The following WWP1 variants were observed in gnomAD, a reference collection of about 807,000 sequenced individuals.
WWP1 encodes the protein WW domain containing E3 ubiquitin protein ligase 1.
A neutral mutation model predicts 130.6 loss-of-function variants in WWP1; 49 were observed. That is an observed-to-expected ratio of 0.38 (90% CI 0.30 to 0.48). The LOEUF is 0.48. WWP1 is among the 20% of genes least tolerant of loss of function. WWP1 has a pLI of 0.99. For synonymous variants in WWP1, 332 were observed against 367.8 expected, an observed-to-expected ratio of 0.90 and a Z score of 1.11; for missense variants, 809 against 1,100.6, an observed-to-expected ratio of 0.74 and a Z score of 3.75.
intron 1 of WWP1, among the ~76,000 whole-genome samples, chr8:86,353,507 T>A (rs999846246): frequency 1.3e-5 from 2 of 152,120 alleles, no homozygotes; most frequent in African/African-American, 4.8e-5. Flanking sequence ...TTTTTTCTTC[T>A]TCTGAGACGG....
At chr8:86,456,184 A>G (rs550093156) in intron 21 of WWP1, among the ~76,000 whole-genome samples, 25 of 152,118 alleles carry the variant, frequency 1.6e-4, no homozygotes, top group African/African-American at 6.0e-4. Flanking sequence ...TGAAAGTGAA[A>G]AACATAAGAG....
intron 8 of WWP1, among the ~76,000 whole-genome samples, chr8:86,402,910 C>T (rs1808074674): frequency 6.6e-6 from 1 of 152,180 alleles, no homozygotes; most frequent in Admixed American, 6.5e-5. Flanking sequence ...TTATTCTTGG[C>T]ATCTAACTTG....
In WWP1 at chr8:86,380,325, G is replaced by A. The variant is rs183230058; in HGVS notation, c.71-401G>A. On this transcript the variant is annotated intron_variant, in intron 3 of 24. Transcript: ENST00000517970. Reference sequence around the variant, plus strand: ...GCAAATTTAAAGAGACAGAGAGTAGGTTAGTGGCTGCCTAGGGATGGGGGT... The same window carrying A: ...GCAAATTTAAAGAGACAGAGAGTAGATTAGTGGCTGCCTAGGGATGGGGGT... Among the ~76,000 whole-genome samples, 295 of 152,160 alleles carry A rather than the reference G, an allele frequency of 1.9e-3. 5 individuals are homozygous for A. The East Asian group carries it at 0.034, about 18-fold the overall frequency.
At chr8:86,427,120 ACCATTGCACTTCAGC>A (rs1427633916) in intron 10 of WWP1, among the ~76,000 whole-genome samples, 2 of 151,716 alleles carry the variant, frequency 1.3e-5, no homozygotes, top group Non-Finnish European at 2.9e-5. Context: ...CCAAGATCAC[ACCATTGCACTTCAGC>A]CTGGGTGACA....
intron 5 of WWP1, among the ~76,000 whole-genome samples, chr8:86,392,617 T>C (rs1335344515): frequency 6.6e-6 from 1 of 152,214 alleles, no homozygotes; most frequent in African/African-American, 2.4e-5. Flanking sequence ...CAGAGAAATG[T>C]ATCATTTGTG....
chr8:86,404,797 A>G (rs1256447664), intron 8 of WWP1, among the ~76,000 whole-genome samples: 1 of 152,342 alleles, frequency 6.6e-6, no homozygotes, highest in Non-Finnish European at 1.5e-5. Context: ...ACAGCTAGGA[A>G]GTAGAAGAAC....
chr8:86,427,270 T>A (rs187635064), intron 10 of WWP1, among the ~76,000 whole-genome samples: 1 of 152,184 alleles, frequency 6.6e-6, no homozygotes, highest in East Asian at 1.9e-4. Flanking sequence ...GCTAATGCTT[T>A]CCCTCCCCGT....
In WWP1 at chr8:86,380,707, T is replaced by C. The variant is rs1487257645; in HGVS notation, c.71-19T>C. 4 of 1,599,872 alleles carry C rather than the reference T, an allele frequency of 2.5e-6. No individual in the cohort carries two copies. The highest frequency in any genetic ancestry group is 4.5e-5 in the East Asian group (2 of 44,356). On this transcript the variant is annotated intron_variant, in intron 3 of 24. Coordinates refer to ENST00000517970, the MANE Select transcript of WWP1 (RefSeq NM_007013.4). ...CTTTTTGGCAACACATACTCACTAG[T>C]GAATTATTTGTCTGTTAGTTTCTAG...
Position 86,458,018 on chromosome 8 carries a change from T to C in WWP1, c.2492T>C (p.Phe831Ser). The C allele has an allele frequency of 6.2e-7, 1 of 1,611,290 alleles. No homozygotes were observed. The highest frequency in any genetic ancestry group is 8.5e-7 in the Non-Finnish European group (1 of 1,177,932). Reference protein sequence around the residue: ...YTRNSKQIIWFWQFVKETDNE... With the variant: ...YTRNSKQIIWSWQFVKETDNE... ...AGAAACAGCAAGCAAATCATTTGGT[T>C]TTGGCAGGTATTTGCTTTTATCTTT... The change falls in exon 22 of 25, where the codon TTT (phenylalanine) becomes TCT (serine). Residue 831 changes from phenylalanine (F) to serine (S), a missense_variant. Around this residue, in one of 3 missense-constraint regions of WWP1, gnomAD observed 450 missense variants for 674.2 expected, o/e 0.67. Transcript: ENST00000517970.
chr8:86,343,597 A>C lies in WWP1; in HGVS notation c.-115+667A>C, dbSNP rs528322337. On this transcript the variant is annotated intron_variant, in intron 1 of 24. Transcript: ENST00000517970. ...TTGTAGTTTGCTCCTTACCTTTACG[A>C]CCTTTAAATGATCAGTCTTGTTCAC... 7.8e-4 allele frequency among the ~76,000 whole-genome samples: 118 copies of C among 152,106 alleles called. 1 individual carries two copies. The highest frequency in any genetic ancestry group is 2.8e-3 in the African/African-American group (116 of 41,454).
In WWP1 at chr8:86,461,855, A is replaced by C; in HGVS notation, c.2669+9A>C. 1 of 1,604,794 alleles carries C rather than the reference A, an allele frequency of 6.2e-7. No homozygotes were observed. The highest frequency in any genetic ancestry group is 2.2e-5 in the East Asian group (1 of 44,784). On this transcript the variant is annotated intron_variant, in intron 24 of 24. Transcript: ENST00000517970. ...CCAAGAAGCCATACATGGTAAGTTC[A>C]AGAATCCTAAATACGAAGGTGAAAG...
At chr8:86,412,797 T>G (rs953400244) in intron 9 of WWP1, among the ~76,000 whole-genome samples, 1 of 151,992 alleles carries the variant, frequency 6.6e-6, no homozygotes, top group African/African-American at 2.4e-5. Context: ...TTGGTCTTCC[T>G]TTGTGTGCTT....
intron 8 of WWP1, among the ~76,000 whole-genome samples, chr8:86,409,035 A>T (rs181296016): frequency 6.6e-6 from 1 of 152,084 alleles, no homozygotes; most frequent in East Asian, 1.9e-4. Context: ...TTTTAAAAAA[A>T]TTTTCTTGTG....
At chr8:86,350,679 C>G (rs1375323486) in intron 1 of WWP1, among the ~76,000 whole-genome samples, 4 of 152,164 alleles carry the variant, frequency 2.6e-5, no homozygotes, top group Admixed American at 2.6e-4. Flanking sequence ...AAAAAATATC[C>G]TAGCATTAAC....
chr8:86,461,702 A>G (rs1811775198), intron 23 of WWP1, 72 bp from the exon 24 acceptor site: 6 of 1,162,250 alleles, frequency 5.2e-6, no homozygotes, highest in East Asian at 2.3e-5. Flanking sequence ...AACATGTTCT[A>G]TTATTTAAGC....
At chr8:86,429,345 A>G (rs1019668384) in intron 11 of WWP1, among the ~76,000 whole-genome samples, 3 of 152,122 alleles carry the variant, frequency 2.0e-5, no homozygotes, top group African/African-American at 7.2e-5. Flanking sequence ...CCACGTTTCT[A>G]CCTCCAACAA....
chr8:86,379,881 G>A (rs1264025625), intron 3 of WWP1, among the ~76,000 whole-genome samples: 9 of 152,078 alleles, frequency 5.9e-5, no homozygotes, highest in Admixed American at 5.9e-4. Flanking sequence ...TGCAGTTGTT[G>A]GTGAGAATGT....
chr8:86,408,088 A>G (rs1357599729), intron 8 of WWP1, among the ~76,000 whole-genome samples: 1 of 152,132 alleles, frequency 6.6e-6, no homozygotes, highest in East Asian at 1.9e-4. Context: ...GCTGTTTTTA[A>G]ATACTGGCTC....
chr8:86,366,984 G>C (rs1051048105), intron 1 of WWP1, among the ~76,000 whole-genome samples: 7 of 152,082 alleles, frequency 4.6e-5, no homozygotes, highest in African/African-American at 1.7e-4. Flanking sequence ...CTCTATTGAG[G>C]GGGGAGACTG....
Sources: allele counts gnomAD v4.1 joint callset (sites outside exome capture counted in the v4.1 genomes callset), GRCh38; gene constraint gnomAD v4.1.1; regional missense constraint gnomAD v4.1.1; transcripts MANE v1.5; gene names NCBI Gene and HGNC (gene_info 2026-07-23, HGNC 2026-07-21).